Variants in HSPB6 observed in about 807,000 individuals in gnomAD.
HSPB6 encodes the protein heat shock protein beta-6.
A neutral mutation model predicts 10.7 loss-of-function variants in HSPB6; 8 were observed. The ratio of observed to expected loss-of-function variants is 0.75; its 90% CI spans 0.44 to 1.35. The LOEUF (loss-of-function observed/expected upper bound fraction) is 1.35. Among genes scored for constraint, HSPB6 ranks in the 40% most tolerant of loss-of-function variants. HSPB6 has a pLI of 0.00. For missense variants in HSPB6, 232 were observed against 236.0 expected (o/e 0.98, Z 0.11); for synonymous variants, 128 against 114.2 (o/e 1.12, Z -0.77).
Position 35,754,621 on chromosome 19 carries a change from G to T in HSPB6, c.*901C>A. 2.7e-6 allele frequency: 2 copies of T among 748,082 alleles called. No homozygotes were observed. Among genetic ancestry groups the T allele is most frequent in the South Asian group, 3.3e-5 (2 of 60,858 alleles). 46.3% of individuals were successfully genotyped at this position (748,082 alleles called of 1,614,324 possible). ...AGTAAGCCTGGGAAAGACTAAGGGAGTGGTGGCAGGGAGAAAGGCTGTGGG... is the reference window on the plus strand; with the variant it reads ...AGTAAGCCTGGGAAAGACTAAGGGATTGGTGGCAGGGAGAAAGGCTGTGGG... On this transcript the variant is annotated 3_prime_UTR_variant, in exon 3 of 3. Coordinates refer to ENST00000004982, the MANE Select transcript of HSPB6 (RefSeq NM_144617.3).
Position 35,754,817 on chromosome 19 carries a change from G to A in HSPB6, c.*705C>T, listed in dbSNP as rs1970732788. 7.3e-6 allele frequency: 3 copies of A among 411,310 alleles called. No homozygotes were observed. The highest frequency in any genetic ancestry group is 1.4e-5 in the Non-Finnish European group (3 of 219,070). 25.5% of individuals were successfully genotyped at this position (411,310 alleles called of 1,614,324 possible). On this transcript the variant is annotated 3_prime_UTR_variant, in exon 3 of 3. Coordinates refer to ENST00000004982, the MANE Select transcript of HSPB6 (RefSeq NM_144617.3). ...CTAGGACATCCGTGCAGAGTCTGGG[G>A]AGGTTGGGGTGGGAGAGTCTGTACA...
chr19:35,755,856 G>T lies in HSPB6; in HGVS notation c.237C>A (p.Asp79Glu). 3.8e-6 allele frequency: 6 copies of T among 1,588,212 alleles called. No individual in the cohort carries two copies. Among genetic ancestry groups the T allele is most frequent in the African/African-American group, 1.3e-5 (1 of 74,298 alleles). ...TTTCCTCCGGCGAGAAGTGCTTCAC[G>T]TCTAGCAGCACCGAAAAGTGGCCGG... is the stretch of plus-strand genomic sequence containing the variant. Reference protein sequence around the residue: ...TDPGHFSVLLDVKHFSPEEIA... With the variant: ...TDPGHFSVLLEVKHFSPEEIA... The change falls in exon 2 of 3, where the codon GAC (aspartate) becomes GAA (glutamate). Residue 79 changes from aspartate (D) to glutamate (E), a missense_variant. Coordinates refer to ENST00000004982, the MANE Select transcript of HSPB6 (RefSeq NM_144617.3).
chr19:35,755,640 C>T lies in HSPB6; in HGVS notation c.365G>A (p.Arg122His), dbSNP rs1163902286. 2 of 1,533,632 alleles carry T rather than the reference C, an allele frequency of 1.3e-6. No homozygotes were observed. The highest frequency in any genetic ancestry group is 2.0e-5 in the Admixed American group (1 of 50,696). ...FVAREFHRRY[R>H]LPPGVDPAAV... ...AGCCGGATCCACGCCAGGCGGCAGG[C>T]GGTAGCGACGGTGGAACTCGCGCGC... Residue 122 changes from arginine to histidine, a missense_variant, in exon 3 of 3, where the codon CGC becomes CAC. Physicochemically the swap from Arg to His is conservative, Grantham distance 29. Coordinates refer to ENST00000004982, the MANE Select transcript of HSPB6 (RefSeq NM_144617.3).
chr19:35,756,962 G>A lies in HSPB6; in HGVS notation c.47C>T (p.Ser16Leu). ...CGCCGAAAGTCCGGGCAACGGGGCC[G>A]AGGCGCGGCGCAGCCAAGACGGCTG... Reference protein sequence around the residue: ...PVQPSWLRRASAPLPGLSAPG... With the variant: ...PVQPSWLRRALAPLPGLSAPG... The change falls in exon 1 of 3, where the codon TCG (serine) becomes TTG (leucine). Residue 16 changes from serine to leucine, a missense_variant. Transcript: ENST00000004982. The A allele has an allele frequency of 6.5e-7, 1 of 1,544,996 alleles. No individual in the cohort carries two copies. Among genetic ancestry groups the A allele is most frequent in the Non-Finnish European group, 8.7e-7 (1 of 1,146,614 alleles).
intron 1 of HSPB6, 139 bp from the exon 2 acceptor site, chr19:35,756,033 G>A: frequency 8.0e-7 from 1 of 1,253,370 alleles, no homozygotes; most frequent in South Asian, 1.5e-5. Context: ...TCTCCTACTG[G>A]GAGTCACCCA....
Position 35,756,807 on chromosome 19 carries a change from G to A in HSPB6, c.198+4C>T. The A allele has an allele frequency of 2.0e-6, 3 of 1,535,278 alleles. No individual in the cohort carries two copies. The highest frequency in any genetic ancestry group is 2.6e-6 in the Non-Finnish European group (3 of 1,146,490). The stretch of plus-strand genomic sequence containing the variant: ...TCGAGTTCACCCCTCCCCAGGCCTG[G>A]CACCTGGGCGACGGGCAGCGCCACG... On this transcript the variant is annotated splice_donor_region_variant and intron_variant, in intron 1 of 2. Transcript: ENST00000004982.
Position 35,755,849 on chromosome 19 carries a change from G to T in HSPB6, c.244C>A (p.His82Asn). The change falls in exon 2 of 3, where the codon CAC becomes AAC. Residue 82 changes from histidine (H) to asparagine (N), a missense_variant. Physicochemically the swap from His to Asn is moderately conservative, Grantham distance 68. Transcript: ENST00000004982. ...ACAGCAATTTCCTCCGGCGAGAAGT[G>T]CTTCACGTCTAGCAGCACCGAAAAG... ...GHFSVLLDVK[H>N]FSPEEIAVKV... 6.3e-7 allele frequency: 1 copy of T among 1,591,756 alleles called. No homozygotes were observed. The highest frequency in any genetic ancestry group is 1.1e-5 in the South Asian group (1 of 87,556).
At chr19:35,755,928 G>T in intron 1 of HSPB6, 34 bp from the exon 2 acceptor site, 9 of 1,546,558 alleles carry the variant, frequency 5.8e-6, no homozygotes, top group Non-Finnish European at 7.9e-6. Flanking sequence ...GACTGTCATT[G>T]GGCTGGGCCA....
In HSPB6 at chr19:35,754,611, G is replaced by C; in HGVS notation, c.*911C>G. ...TTATTGGGAGAGTAAGCCTGGGAAA[G>C]ACTAAGGGAGTGGTGGCAGGGAGAA... On this transcript the variant is annotated 3_prime_UTR_variant, in exon 3 of 3. Transcript: ENST00000004982. 5.0e-6 allele frequency: 4 copies of C among 794,348 alleles called. No individual in the cohort carries two copies. The highest frequency in any genetic ancestry group is 8.4e-6 in the Non-Finnish European group (4 of 477,518). The allele number at this position is 794,348 out of a possible 1,614,324, so 49.2% of individuals were successfully genotyped here. A position where few individuals can be genotyped will look rare whatever the true frequency, so the allele number is the denominator to read the frequency against.
intron 1 of HSPB6, 128 bp downstream of exon 1, chr19:35,756,683 C>G: frequency 1.1e-6 from 1 of 926,128 alleles, no homozygotes; most frequent in Non-Finnish European, 1.6e-6. Context: ...CTCCGGAAGC[C>G]CTTCGGAGCT....
rs1182997124 is a variant in HSPB6, at chr19:35,756,933, C to T, written c.76G>A (p.Gly26Arg). Reference sequence around the variant, plus strand: ...CCGAAGCGCTGGTCAAAGAGGCGTCCGGGCGCCGAAAGTCCGGGCAACGGG... The same window carrying T: ...CCGAAGCGCTGGTCAAAGAGGCGTCTGGGCGCCGAAAGTCCGGGCAACGGG... ...SAPLPGLSAPGRLFDQRFGEG... is the reference protein window; with the variant it reads ...SAPLPGLSAPRRLFDQRFGEG... The change falls in exon 1 of 3, where the codon GGA becomes AGA. Residue 26 changes from glycine (G) to arginine (R), a missense_variant. Coordinates refer to ENST00000004982, the MANE Select transcript of HSPB6 (RefSeq NM_144617.3). 4 of 1,542,574 alleles carry T rather than the reference C, an allele frequency of 2.6e-6. No individual in the cohort carries two copies. Among genetic ancestry groups the T allele is most frequent in the Non-Finnish European group, 3.5e-6 (4 of 1,146,480 alleles).
rs1349988225 is a variant in HSPB6, at chr19:35,755,675, G to A, written c.330C>T (p.His110=). The stretch of plus-strand genomic sequence containing the variant: ...GGTGGAACTCGCGCGCGACGAATCC[G>A]TGCTCATCCTGGAGGGGAGGGAGGC... ...HARHEERPDE[H]GFVAREFHRR... The change falls in exon 3 of 3, where the codon CAC becomes CAT. Residue 110 remains histidine (H), a synonymous_variant. Transcript: ENST00000004982. 8.5e-6 allele frequency: 13 copies of A among 1,535,252 alleles called. No individual in the cohort carries two copies. The highest frequency in any genetic ancestry group is 1.1e-5 in the Non-Finnish European group (13 of 1,143,356).
At position 35,755,641 on chromosome 19, in the gene HSPB6, G is replaced by A. The variant is rs577441367; in HGVS notation, c.364C>T (p.Arg122Cys). 3.1e-5 allele frequency: 47 copies of A among 1,534,108 alleles called. No homozygotes were observed. The highest frequency in any genetic ancestry group is 4.0e-5 in the Non-Finnish European group (46 of 1,144,544). Residue 122 changes from arginine to cysteine, a missense_variant, in exon 3 of 3, where the codon CGC becomes TGC. Arg to Cys is a radical substitution (Grantham distance 180). Coordinates refer to ENST00000004982, the MANE Select transcript of HSPB6 (RefSeq NM_144617.3). ...GCCGGATCCACGCCAGGCGGCAGGC[G>A]GTAGCGACGGTGGAACTCGCGCGCG... ...FVAREFHRRY[R>C]LPPGVDPAAV... is the part of the protein sequence containing the mutation.
In HSPB6 at chr19:35,754,733, T is replaced by TGG; in HGVS notation, c.*787_*788dup. 1 of 476,380 alleles carries TGG rather than the reference T, an allele frequency of 2.1e-6. No homozygotes were observed. The highest frequency in any genetic ancestry group is 3.8e-5 in the East Asian group (1 of 26,168). 29.5% of individuals were successfully genotyped at this position (476,380 alleles called of 1,614,324 possible). On this transcript the variant is annotated 3_prime_UTR_variant, in exon 3 of 3. Transcript: ENST00000004982. ...TGCCGAGGATATCTGGTTGAAGACT[T>TGG]GGGGGTCAAGACAAAGGGACTTAGG...
chr19:35,755,887 G>T lies in HSPB6; in HGVS notation c.206C>A (p.Thr69Lys). ...SVALPVAQVP[T>K]DPGHFSVLLD... ...CAGCACCGAAAAGTGGCCGGGGTCC[G>T]TCGGCACCTGAGCGCAGCGGGCGCG... The change falls in exon 2 of 3, where the codon ACG becomes AAG. Residue 69 changes from threonine to lysine, a missense_variant. Transcript: ENST00000004982. 1 of 1,567,070 alleles carries T rather than the reference G, an allele frequency of 6.4e-7. No individual in the cohort carries two copies.
intron 2 of HSPB6, 24 bp from the exon 3 acceptor site, chr19:35,755,707 G>C (rs1317062538): frequency 7.2e-6 from 11 of 1,522,858 alleles, no homozygotes; most frequent in African/African-American, 1.4e-5. Flanking sequence ...AGGCTTGAGC[G>C]GCCCCGCCCC....
Position 35,755,590 on chromosome 19 carries a change from CG to C in HSPB6, c.414del (p.Glu139ArgfsTer41), listed in dbSNP as rs1325407629. 1.2e-5 allele frequency: 19 copies of C among 1,532,062 alleles called. No homozygotes were observed. Among genetic ancestry groups the C allele is most frequent in the Non-Finnish European group, 1.5e-5 (17 of 1,144,572 alleles). The allele number at this position is 1,532,062 out of a possible 1,614,324, so 94.9% of individuals were successfully genotyped here. A position where few individuals can be genotyped will look rare whatever the true frequency, so the allele number is the denominator to read the frequency against. On this transcript the variant is annotated frameshift_variant, in exon 3 of 3. Coordinates refer to ENST00000004982, the MANE Select transcript of HSPB6 (RefSeq NM_144617.3). LOFTEE classifies it high-confidence loss of function. ...GCGGCCTGGATGGACAGGACGCCCTCGGGGGACAGCGCGGACGTCACGGCAG... is the reference window on the plus strand; with the variant it reads ...GCGGCCTGGATGGACAGGACGCCCTCGGGGACAGCGCGGACGTCACGGCAG... ...DPAAVTSALS[P>X]EGVLSIQAAP...
In HSPB6 at chr19:35,755,719, C is replaced by A. The variant is rs1970744654; in HGVS notation, c.322-36G>T. 2.0e-6 allele frequency: 3 copies of A among 1,524,974 alleles called. No homozygotes were observed. In the African/African-American group the frequency reaches 4.3e-5, roughly 22 times the overall value. The allele number at this position is 1,524,974 out of a possible 1,614,324, so 94.5% of individuals were successfully genotyped here. ...GGGAGGCTTGAGCGGCCCCGCCCCT[C>A]CGGCCCGGCGGCGAGCGTACCCGCT... is the stretch of plus-strand genomic sequence containing the variant. On this transcript the variant is annotated intron_variant, in intron 2 of 2. Transcript: ENST00000004982.
rs762629966 is a variant in HSPB6, at chr19:35,755,343, C to A, written c.*179G>T. 1 of 726,220 alleles carries A rather than the reference C, an allele frequency of 1.4e-6. No homozygotes were observed. The highest frequency in any genetic ancestry group is 1.5e-5 in the South Asian group (1 of 65,952). The allele number at this position is 726,220 out of a possible 1,614,324, so 45.0% of individuals were successfully genotyped here. A position where few individuals can be genotyped will look rare whatever the true frequency, so the allele number is the denominator to read the frequency against. The stretch of plus-strand genomic sequence containing the variant: ...GGAGGGGGTGTGAGAGCGAGGGTGT[C>A]AGTGGAAGGGTCTATGTTATCAAGG... On this transcript the variant is annotated 3_prime_UTR_variant, in exon 3 of 3. Transcript: ENST00000004982.
Sources: gnomAD v4.1 joint callset for allele counts on GRCh38, gnomAD v4.1.1 for gene constraint, MANE v1.5 for transcripts, NCBI Gene and HGNC (gene_info 2026-07-23, HGNC 2026-07-21) for gene names.